The following ARHGEF4 variants were observed in gnomAD, a reference collection of about 807,000 sequenced individuals.
ARHGEF4 encodes the protein Rho guanine nucleotide exchange factor 4.
ARHGEF4 carries 119 observed loss-of-function variants against 162.0 expected under a neutral mutation model. The ratio of observed to expected loss-of-function variants is 0.73; its 90% CI spans 0.63 to 0.86. The LOEUF (loss-of-function observed/expected upper bound fraction) is 0.86, where lower values mean the gene tolerates loss of function less well. ARHGEF4 is among the 40% of genes least tolerant of loss of function. The probability of loss-of-function intolerance (pLI) is 0.00; values close to 1 mark genes in which losing one functional copy is unlikely to be tolerated. For synonymous variants in ARHGEF4, 1,014 were observed against 979.9 expected (o/e 1.03, Z -0.65); for missense variants, 2,488 against 2,456.0 (o/e 1.01, Z -0.28).
intron 3 of ARHGEF4, among the ~76,000 whole-genome samples, chr2:130,943,041 T>C (rs1351889625): frequency 6.6e-6 from 1 of 152,180 alleles, no homozygotes; most frequent in Non-Finnish European, 1.5e-5. Flanking sequence ...TATTGATTAC[T>C]GTGATAAAAG....
At chr2:131,034,482 C>T (rs1291394903) in intron 5 of ARHGEF4, among the ~76,000 whole-genome samples, 2 of 152,054 alleles carry the variant, frequency 1.3e-5, no homozygotes, top group East Asian at 3.9e-4. Context: ...AAGAGGGGCC[C>T]CTCAGGGTGG....
At chr2:130,996,618 T>C (rs1687409865) in intron 4 of ARHGEF4, among the ~76,000 whole-genome samples, 2 of 152,218 alleles carry the variant, frequency 1.3e-5, no homozygotes, top group Non-Finnish European at 2.9e-5. Flanking sequence ...GTGTTGTAAA[T>C]GTCCCATTGT....
At chr2:130,977,317 T>G (rs914130760) in intron 4 of ARHGEF4, among the ~76,000 whole-genome samples, 2 of 151,890 alleles carry the variant, frequency 1.3e-5, no homozygotes, top group Non-Finnish European at 2.9e-5. Flanking sequence ...TGTTTGTGTT[T>G]GTAGTTGGTG....
chr2:130,911,114 C>G (rs577992288), intron 1 of ARHGEF4, among the ~76,000 whole-genome samples: 5 of 152,230 alleles, frequency 3.3e-5, no homozygotes, highest in South Asian at 2.1e-4. Flanking sequence ...GGGCAGCGGG[C>G]AGGGAAGCGG....
rs1399952490 is a variant in ARHGEF4, at chr2:130,917,309, A to T, written c.3363A>T (p.Gly1121=). Residue 1121 remains glycine, a synonymous_variant, in exon 2 of 14, where the codon GGA becomes GGT. Transcript: ENST00000409359. ...GCGCCATCTCCATGGTTTCTCTTGG[A>T]AGCTACAGCTACGTGGACAGCAGTT... ...RGSAISMVSL[G]SYSYVDSSSG... The T allele has an allele frequency of 1.3e-6, 2 of 1,550,442 alleles. No homozygotes were observed. Among genetic ancestry groups the T allele is most frequent in the Non-Finnish European group, 1.7e-6 (2 of 1,147,004 alleles).
At chr2:130,957,860 C>T (rs1488763964) in intron 4 of ARHGEF4, among the ~76,000 whole-genome samples, 1 of 152,104 alleles carries the variant, frequency 6.6e-6, no homozygotes, top group African/African-American at 2.4e-5. Context: ...TGATATCAGA[C>T]GTCCAGCTTC....
Position 131,046,139 on chromosome 2 carries a change from C to CCAT in ARHGEF4, c.5583_5585dup (p.Ser1862dup). On this transcript the variant is annotated inframe_insertion, in exon 14 of 14. Transcript: ENST00000409359. ...GGTGCTGGCGGAGCCCAGGCGCAAGCCATCTACCTTCTGGCACAGCATCAG... is the reference window on the plus strand; with the variant it reads ...GGTGCTGGCGGAGCCCAGGCGCAAGCCATCATCTACCTTCTGGCACAGCATCAG... The CCAT allele has an allele frequency of 6.2e-7, 1 of 1,613,046 alleles. No individual in the cohort carries two copies. Among genetic ancestry groups the CCAT allele is most frequent in the Non-Finnish European group, 8.5e-7 (1 of 1,179,890 alleles).
intron 1 of ARHGEF4, among the ~76,000 whole-genome samples, chr2:130,887,237 A>G (rs1679578389): frequency 6.6e-6 from 1 of 151,892 alleles, no homozygotes; most frequent in African/African-American, 2.4e-5. Context: ...AGGCTGAGGC[A>G]GGAGGATGGT....
chr2:130,963,337 C>A (rs1010667200), intron 4 of ARHGEF4, among the ~76,000 whole-genome samples: 4 of 151,980 alleles, frequency 2.6e-5, no homozygotes, highest in African/African-American at 7.2e-5. Flanking sequence ...CGTCTGAGCG[C>A]GCTCCCCCCG....
chr2:131,023,532 A>G (rs941486785), intron 4 of ARHGEF4, among the ~76,000 whole-genome samples: 1 of 152,212 alleles, frequency 6.6e-6, no homozygotes, highest in African/African-American at 2.4e-5. Flanking sequence ...CCTTTCAGGA[A>G]ATGAAAATTG....
intron 1 of ARHGEF4, among the ~76,000 whole-genome samples, chr2:130,869,029 G>A (rs1473356334): frequency 6.6e-6 from 1 of 152,182 alleles, no homozygotes; most frequent in Non-Finnish European, 1.5e-5. Flanking sequence ...CATTACCTCA[G>A]CCCCATCCCT....
chr2:130,940,000 A>G (rs895976128), intron 3 of ARHGEF4, among the ~76,000 whole-genome samples: 1 of 152,148 alleles, frequency 6.6e-6, no homozygotes, highest in African/African-American at 2.4e-5. Flanking sequence ...ATTACTGGAA[A>G]CTATCTATGT....
chr2:130,837,677 A>G (rs1301191213), intron 1 of ARHGEF4: 3 of 440,194 alleles, frequency 6.8e-6, no homozygotes, highest in Non-Finnish European at 1.4e-5. Flanking sequence ...GGCCGGCCAC[A>G]GGTTGCCAAG....
chr2:130,913,868 G>A, intron 1 of ARHGEF4, 118 bp from the exon 2 acceptor site: 2 of 1,237,548 alleles, frequency 1.6e-6, no homozygotes, highest in Non-Finnish European at 2.2e-6. Flanking sequence ...AGGGGTACAT[G>A]GGGAACTAAT....
At chr2:130,888,203 A>G (rs530972416) in intron 1 of ARHGEF4, among the ~76,000 whole-genome samples, 1 of 151,962 alleles carries the variant, frequency 6.6e-6, no homozygotes, top group African/African-American at 2.4e-5. Flanking sequence ...GGCCAGGCGC[A>G]GTGGCTCACG....
intron 4 of ARHGEF4, among the ~76,000 whole-genome samples, chr2:130,954,099 C>A (rs141377771): frequency 0.029 from 4,371 of 152,288 alleles, 94 homozygotes; most frequent in Non-Finnish European, 0.047. Context: ...AAGACACGTG[C>A]ACATGTATGT....
intron 4 of ARHGEF4, among the ~76,000 whole-genome samples, chr2:131,025,811 T>C (rs1334355923): frequency 6.6e-6 from 1 of 152,136 alleles, no homozygotes; most frequent in Non-Finnish European, 1.5e-5. Context: ...ATAAGAGTCA[T>C]GGATGGGACT....
At chr2:130,854,892 G>A (rs934800701) in intron 1 of ARHGEF4, among the ~76,000 whole-genome samples, 2 of 78,498 alleles carry the variant, frequency 2.5e-5, no homozygotes, top group East Asian at 3.8e-4. Context: ...ATTTATTTTC[G>A]AGACAGAGTC....
intron 2 of ARHGEF4, among the ~76,000 whole-genome samples, chr2:130,921,239 C>A (rs768187668): frequency 6.6e-6 from 1 of 152,188 alleles, no homozygotes; most frequent in Non-Finnish European, 1.5e-5. Context: ...CGGTGGCTCA[C>A]GCCTGTAATC....
Sources: allele counts gnomAD v4.1 joint callset (sites outside exome capture counted in the v4.1 genomes callset), GRCh38; gene constraint gnomAD v4.1.1; transcripts MANE v1.5; gene names NCBI Gene and HGNC (gene_info 2026-07-23, HGNC 2026-07-21).